ADGRL3: variants seen among roughly 807,000 people sequenced by gnomAD.
ADGRL3 encodes adhesion G protein-coupled receptor L3.
A neutral mutation model predicts 153.5 loss-of-function variants in ADGRL3; 62 were observed. That is an observed-to-expected ratio of 0.40 (90% CI 0.33 to 0.50). The LOEUF is 0.50. Among genes scored for constraint, ADGRL3 ranks in the 20% least tolerant of loss-of-function variants. ADGRL3 has a pLI of 0.47. For synonymous variants in ADGRL3, 710 were observed against 672.5 expected (o/e 1.06, Z -0.86); for missense variants, 1,641 against 1,859.4 (o/e 0.88, Z 2.16).
intron 5 of ADGRL3, among the ~76,000 whole-genome samples, chr4:61,651,282 G>A (rs1034622337): frequency 3.3e-5 from 5 of 152,018 alleles, no homozygotes; most frequent in South Asian, 2.1e-4. Context: ...TAAGAAAAGC[G>A]AATAAAGGTA....
At chr4:61,658,415 C>G (rs1458225659) in intron 5 of ADGRL3, among the ~76,000 whole-genome samples, 2 of 152,094 alleles carry the variant, frequency 1.3e-5, no homozygotes. Context: ...TAATTATTAG[C>G]TGGATAACCT....
intron 1 of ADGRL3, among the ~76,000 whole-genome samples, chr4:61,262,483 A>G (rs981399161): frequency 1.3e-5 from 2 of 152,036 alleles, no homozygotes; most frequent in East Asian, 1.9e-4. Flanking sequence ...AAATTGGGCA[A>G]CATTTGCTTT....
At chr4:61,547,960 G>C (rs958677739) in intron 4 of ADGRL3, among the ~76,000 whole-genome samples, 2 of 151,872 alleles carry the variant, frequency 1.3e-5, no homozygotes, top group Non-Finnish European at 2.9e-5. Flanking sequence ...ACTGGTGTAA[G>C]AAGGTGGTTT....
In ADGRL3 at chr4:61,361,380, G is replaced by A. The variant is rs577869250; in HGVS notation, c.-239-21744G>A. Among the ~76,000 whole-genome samples the A allele has an allele frequency of 3.8e-3, 584 of 152,210 alleles. 1 individual carries two copies. The highest frequency in any genetic ancestry group is 0.014 in the Middle Eastern group (4 of 294). On this transcript the variant is annotated intron_variant, in intron 1 of 26. Coordinates refer to ENST00000683033, the MANE Select transcript of ADGRL3 (RefSeq NM_001387552.1). ...GTCTCAGATTGCATGACTGTAAAAAGCATCATTGAAATATCTGCTTTTGAG... is the reference window on the plus strand; with the variant it reads ...GTCTCAGATTGCATGACTGTAAAAAACATCATTGAAATATCTGCTTTTGAG...
At chr4:61,774,548 G>A (rs371289458) in intron 8 of ADGRL3, among the ~76,000 whole-genome samples, 10 of 151,964 alleles carry the variant, frequency 6.6e-5, no homozygotes, top group African/African-American at 2.4e-4. Flanking sequence ...ATGTGTGTAG[G>A]TTATATGCAA....
At chr4:61,921,696 A>G (rs1314207781) in intron 13 of ADGRL3, among the ~76,000 whole-genome samples, 1 of 152,156 alleles carries the variant, frequency 6.6e-6, no homozygotes, top group Non-Finnish European at 1.5e-5. Flanking sequence ...GTGAGCCACC[A>G]TGCCCGGCCT....
chr4:61,529,436 C>T (rs1453423003), intron 4 of ADGRL3, among the ~76,000 whole-genome samples: 2 of 152,168 alleles, frequency 1.3e-5, no homozygotes, highest in Non-Finnish European at 2.9e-5. Flanking sequence ...TTTACACCTG[C>T]TATTCTGCAG....
At chr4:62,026,588 T>G (rs1274302013) in intron 21 of ADGRL3, among the ~76,000 whole-genome samples, 1 of 152,076 alleles carries the variant, frequency 6.6e-6, no homozygotes, top group African/African-American at 2.4e-5. Context: ...CATTGCAAAC[T>G]TTGTATTTTA....
intron 2 of ADGRL3, among the ~76,000 whole-genome samples, chr4:61,413,969 G>T (rs1339348591): frequency 6.6e-6 from 1 of 152,130 alleles, no homozygotes; most frequent in East Asian, 1.9e-4. Flanking sequence ...CGTGCATTTT[G>T]CAAATAATTT....
chr4:61,864,320 A>G (rs907745295), intron 9 of ADGRL3, among the ~76,000 whole-genome samples: 1 of 152,212 alleles, frequency 6.6e-6, no homozygotes, highest in African/African-American at 2.4e-5. Context: ...TAAGTCAATA[A>G]CAATTTCCCC....
chr4:61,258,597 A>T (rs535331846), intron 1 of ADGRL3, among the ~76,000 whole-genome samples: 4 of 152,188 alleles, frequency 2.6e-5, no homozygotes, highest in Non-Finnish European at 5.9e-5. Flanking sequence ...CGAAGTTCTC[A>T]GTCAGTGATA....
intron 5 of ADGRL3, among the ~76,000 whole-genome samples, chr4:61,640,360 G>A (rs1487272050): frequency 6.6e-6 from 1 of 152,106 alleles, no homozygotes; most frequent in Non-Finnish European, 1.5e-5. Flanking sequence ...GCCCTCTATG[G>A]TGTTAAATAA....
rs370040630 is a variant in ADGRL3, at chr4:61,979,759, G to A, written c.3002G>A (p.Arg1001Gln). ...AELLFLIGIN[R>Q]TDQPIACAVF... ...CTGCTCTTCCTGATTGGGATCAACC[G>A]AACTGACCAACCAGTAAGCAACCTA... The change falls in exon 18 of 27, where the codon CGA becomes CAA. Residue 1001 changes from arginine to glutamine, a missense_variant. This residue lies in a region of ADGRL3 where 734 missense variants were observed against 797.0 expected (regional missense o/e 0.92). Transcript: ENST00000683033. 5.2e-5 allele frequency: 84 copies of A among 1,613,548 alleles called. No individual in the cohort carries two copies. The highest frequency in any genetic ancestry group is 1.6e-4 in the Middle Eastern group (1 of 6,082).
At chr4:61,892,608 C>T in intron 9 of ADGRL3, 48 bp from the exon 10 acceptor site, 1 of 1,388,914 alleles carries the variant, frequency 7.2e-7, no homozygotes, top group Non-Finnish European at 1.0e-6. Context: ...TCTTGAGGTC[C>T]TCCTGTGAAC....
chr4:61,339,946 G>T (rs533839439), intron 1 of ADGRL3, among the ~76,000 whole-genome samples: 1 of 152,270 alleles, frequency 6.6e-6, no homozygotes, highest in African/African-American at 2.4e-5. Context: ...GAAGCAGTCA[G>T]GTTGGTCAAA....
At chr4:61,462,966 G>A in intron 2 of ADGRL3, among the ~76,000 whole-genome samples, 1 of 152,062 alleles carries the variant, frequency 6.6e-6, no homozygotes, top group Non-Finnish European at 1.5e-5. Flanking sequence ...CCACCTCCAA[G>A]GTCTCTGCTA....
intron 2 of ADGRL3, among the ~76,000 whole-genome samples, chr4:61,430,794 A>T (rs907734671): frequency 6.6e-6 from 1 of 152,150 alleles, no homozygotes; most frequent in Non-Finnish European, 1.5e-5. Context: ...GTAGAATTAA[A>T]TTTTTTGTGA....
At chr4:62,020,218 G>A (rs915355390) in intron 21 of ADGRL3, among the ~76,000 whole-genome samples, 2 of 152,038 alleles carry the variant, frequency 1.3e-5, no homozygotes, top group Admixed American at 6.6e-5. Context: ...CCCAGTCAGA[G>A]CATGTTTGGC....
intron 18 of ADGRL3, among the ~76,000 whole-genome samples, chr4:61,981,715 T>A (rs374011800): frequency 6.6e-6 from 1 of 152,294 alleles, no homozygotes; most frequent in Non-Finnish European, 1.5e-5. Context: ...ATGAGTAAAA[T>A]TGCAAAATAG....
Sources: gnomAD v4.1 joint callset for allele counts (sites outside exome capture counted in the v4.1 genomes callset) on GRCh38, gnomAD v4.1.1 for gene constraint, gnomAD v4.1.1 regional missense constraint, MANE v1.5 for transcripts, NCBI Gene and HGNC (gene_info 2026-07-23, HGNC 2026-07-21) for gene names.